The following DIP2B variants were observed in gnomAD, a reference collection of about 807,000 sequenced individuals.
DIP2B encodes the protein disco-interacting protein 2 homolog B.
A neutral mutation model predicts 198.0 loss-of-function variants in DIP2B; 76 were observed. The ratio of observed to expected loss-of-function variants is 0.38; its 90% CI spans 0.32 to 0.46. DIP2B has a LOEUF of 0.46. DIP2B is among the 20% of genes least tolerant of loss of function. DIP2B has a pLI of 0.99. For synonymous variants in DIP2B, 701 were observed against 739.1 expected (o/e 0.95, Z 0.84); for missense variants, 1,559 against 1,978.4 (o/e 0.79, Z 4.02).
At position 50,678,698 on chromosome 12, in the gene DIP2B, C is replaced by T; in HGVS notation, c.936C>T (p.Asn312=). Residue 312 remains asparagine, a synonymous_variant, in exon 8 of 38, where the codon AAC becomes AAT. Coordinates refer to ENST00000301180, the MANE Select transcript of DIP2B (RefSeq NM_173602.3). ...EIVEVPQPDP[N]QPKPEGRQMT... ...GTACAGTACCTCAGCCAGACCCCAA[C>T]CAGCCCAAGCCGGAGGGACGGCAGA... is the stretch of plus-strand genomic sequence containing the variant. 1 of 1,614,102 alleles carries T rather than the reference C, an allele frequency of 6.2e-7. No individual in the cohort carries two copies. The highest frequency in any genetic ancestry group is 8.5e-7 in the Non-Finnish European group (1 of 1,179,998).
At chr12:50,604,402 G>A (rs1958964770) in intron 1 of DIP2B, among the ~76,000 whole-genome samples, 1 of 152,140 alleles carries the variant, frequency 6.6e-6, no homozygotes, top group Non-Finnish European at 1.5e-5. Flanking sequence ...TAGCACAGTA[G>A]TAGACTTTTT....
At chr12:50,623,586 C>T (rs903722615) in intron 1 of DIP2B, among the ~76,000 whole-genome samples, 9 of 151,998 alleles carry the variant, frequency 5.9e-5, no homozygotes, top group Admixed American at 6.6e-5. Flanking sequence ...AGTATATAGC[C>T]TTCCAGATTA....
intron 3 of DIP2B, among the ~76,000 whole-genome samples, chr12:50,658,756 G>A (rs1161391728): frequency 6.6e-6 from 1 of 152,160 alleles, no homozygotes; most frequent in East Asian, 1.9e-4. Context: ...ACACAGTGAG[G>A]TGTTTCTCCT....
At chr12:50,729,550 T>C (rs764750177) in intron 30 of DIP2B, among the ~76,000 whole-genome samples, 3 of 152,144 alleles carry the variant, frequency 2.0e-5, no homozygotes, top group Non-Finnish European at 2.9e-5. Context: ...CACTGCCATT[T>C]TGTATGAGCC....
At chr12:50,665,570 T>A (rs1291034046) in intron 4 of DIP2B, among the ~76,000 whole-genome samples, 1 of 152,166 alleles carries the variant, frequency 6.6e-6, no homozygotes. Context: ...TAGCAAGAGT[T>A]ATCATCTCTA....
chr12:50,639,498 A>G (rs1409730055), intron 2 of DIP2B, among the ~76,000 whole-genome samples: 3 of 151,650 alleles, frequency 2.0e-5, no homozygotes, highest in Non-Finnish European at 2.9e-5. Flanking sequence ...CATTGTCATT[A>G]TGAATCTCAG....
At chr12:50,517,829 CT>C (rs566786868) in intron 1 of DIP2B, among the ~76,000 whole-genome samples, 1 of 152,158 alleles carries the variant, frequency 6.6e-6, no homozygotes, top group Non-Finnish European at 1.5e-5. Context: ...TGTTCTTCCC[CT>C]TTTTTTGCCC....
chr12:50,615,906 C>T (rs1937692965), intron 1 of DIP2B, among the ~76,000 whole-genome samples: 1 of 152,256 alleles, frequency 6.6e-6, no homozygotes, highest in African/African-American at 2.4e-5. Context: ...TGGATTCCTC[C>T]TGTCCCTTTG....
At chr12:50,678,600 A>G in intron 7 of DIP2B, 79 bp from the exon 8 acceptor site, 1 of 1,418,120 alleles carries the variant, frequency 7.1e-7, no homozygotes, top group Non-Finnish European at 9.7e-7. Context: ...GAAAAGGAAG[A>G]TGCAGTTGAG....
intron 1 of DIP2B, among the ~76,000 whole-genome samples, chr12:50,590,239 G>A (rs978482619): frequency 6.6e-6 from 1 of 151,836 alleles, no homozygotes; most frequent in Non-Finnish European, 1.5e-5. Context: ...GCTCAGGCGA[G>A]CCTTCTGCCT....
At chr12:50,681,572 C>G (rs1939042167) in intron 9 of DIP2B, among the ~76,000 whole-genome samples, 1 of 151,990 alleles carries the variant, frequency 6.6e-6, no homozygotes, top group Non-Finnish European at 1.5e-5. Context: ...TTTGAGGGGA[C>G]ATTATACTAT....
chr12:50,741,324 A>G (rs1480173505), intron 36 of DIP2B, 92 bp from the exon 37 acceptor site: 2 of 1,471,688 alleles, frequency 1.4e-6, no homozygotes, highest in Admixed American at 4.1e-5. Flanking sequence ...GAGCCAGGTG[A>G]CAGGCAGTCT....
At chr12:50,721,207 G>T in intron 25 of DIP2B, 66 bp from the exon 26 acceptor site, 1 of 1,565,986 alleles carries the variant, frequency 6.4e-7, no homozygotes, top group East Asian at 2.3e-5. Flanking sequence ...TGTTGAATTG[G>T]CTGTGCTTAT....
intron 1 of DIP2B, among the ~76,000 whole-genome samples, chr12:50,607,045 A>C (rs1958987827): frequency 6.6e-6 from 1 of 151,594 alleles, no homozygotes; most frequent in African/African-American, 2.4e-5. Flanking sequence ...GGACTCAAGC[A>C]ATCTGCCTGC....
At chr12:50,619,126 A>G (rs1200103135) in intron 1 of DIP2B, among the ~76,000 whole-genome samples, 2 of 152,152 alleles carry the variant, frequency 1.3e-5, no homozygotes, top group Non-Finnish European at 2.9e-5. Flanking sequence ...CTGGGGCAGA[A>G]AGTTTATGGC....
chr12:50,703,582 G>A (rs955024838), intron 19 of DIP2B, among the ~76,000 whole-genome samples: 1 of 152,120 alleles, frequency 6.6e-6, no homozygotes, highest in African/African-American at 2.4e-5. Context: ...GTCAGATACC[G>A]TACTTGTTTC....
chr12:50,613,480 C>T (rs1261739216), intron 1 of DIP2B, among the ~76,000 whole-genome samples: 5 of 152,198 alleles, frequency 3.3e-5, no homozygotes, highest in Non-Finnish European at 7.3e-5. Context: ...ACCTCCCTAC[C>T]GATCCTTACC....
chr12:50,585,137 T>C (rs1187759754), intron 1 of DIP2B, among the ~76,000 whole-genome samples: 1 of 152,206 alleles, frequency 6.6e-6, no homozygotes, highest in Non-Finnish European at 1.5e-5. Context: ...AAATGACACT[T>C]CTTCTGAGAG....
chr12:50,626,417 C>G (rs1487976708), intron 2 of DIP2B, among the ~76,000 whole-genome samples: 1 of 152,112 alleles, frequency 6.6e-6, no homozygotes, highest in African/African-American at 2.4e-5. Context: ...GGACAGATCC[C>G]CTATCGAATG....
Sources: gnomAD v4.1 joint callset for allele counts (sites outside exome capture counted in the v4.1 genomes callset) on GRCh38, gnomAD v4.1.1 for gene constraint, MANE v1.5 for transcripts, NCBI Gene and HGNC (gene_info 2026-07-23, HGNC 2026-07-21) for gene names.